SPIDR: variants seen among roughly 807,000 people sequenced by gnomAD.
The protein encoded by SPIDR is DNA repair-scaffolding protein.
Under a neutral mutation model 104.6 loss-of-function variants are expected in SPIDR, and 93 were observed. The observed-to-expected ratio is 0.89, with a 90% CI of 0.75 to 1.06. The LOEUF is 1.06. Among genes scored for constraint, SPIDR ranks in the 50% least tolerant of loss-of-function variants. SPIDR has a pLI of 0.00. For missense variants in SPIDR, 1,154 were observed against 1,111.2 expected (o/e 1.04, Z -0.55); for synonymous variants, 431 against 416.9 (o/e 1.03, Z -0.41).
chr8:47,335,756 A>G (rs1373449283), intron 5 of SPIDR, among the ~76,000 whole-genome samples: 1 of 152,154 alleles, frequency 6.6e-6, no homozygotes, highest in East Asian at 1.9e-4. Flanking sequence ...GGCCTCTCAC[A>G]ACAGTTTAAA....
rs149928658 is a variant in SPIDR at position 47,636,402 on chromosome 8, G to A, written c.1544+37206G>A. Among the ~76,000 whole-genome samples, 533 of 152,278 alleles carry A rather than the reference G, an allele frequency of 3.5e-3. 7 individuals carry two copies. The highest frequency in any genetic ancestry group is 0.012 in the African/African-American group (505 of 41,548). ...AAGTCAGTAAGCCTCCAGTGGCCTC[G>A]AAGTGTTCAGATGAAAGGAAGAGTT... On this transcript the variant is annotated intron_variant, in intron 10 of 19. Coordinates refer to ENST00000297423, the MANE Select transcript of SPIDR (RefSeq NM_001080394.4).
chr8:47,599,648 T>G (rs192931117), intron 10 of SPIDR, among the ~76,000 whole-genome samples: 83 of 152,316 alleles, frequency 5.4e-4, no homozygotes, highest in African/African-American at 1.8e-3. Flanking sequence ...AATACAACTT[T>G]CTGCAATGAT....
At chr8:47,601,141 AAAG>A (rs1280514607) in intron 10 of SPIDR, among the ~76,000 whole-genome samples, 6 of 152,224 alleles carry the variant, frequency 3.9e-5, no homozygotes, top group Non-Finnish European at 8.8e-5. Flanking sequence ...TGGTAGACTG[AAAG>A]AAGGCCAGGC....
At chr8:47,546,200 G>T (rs561488211) in intron 8 of SPIDR, among the ~76,000 whole-genome samples, 13 of 151,436 alleles carry the variant, frequency 8.6e-5, no homozygotes, top group Middle Eastern at 3.4e-3. Context: ...TTTCTTAAGT[G>T]TTTGGTAGAA....
chr8:47,397,570 A>G (rs1407520612), intron 6 of SPIDR, among the ~76,000 whole-genome samples: 1 of 152,196 alleles, frequency 6.6e-6, no homozygotes, highest in East Asian at 1.9e-4. Flanking sequence ...GTAATAGAGC[A>G]TTTCAAAGCA....
intron 5 of SPIDR, among the ~76,000 whole-genome samples, chr8:47,318,374 T>C (rs2045845748): frequency 6.6e-6 from 1 of 150,946 alleles, no homozygotes. Flanking sequence ...TGAAATGAAG[T>C]GAGAAGAGAA....
chr8:47,517,519 C>A (rs974127506), intron 8 of SPIDR, among the ~76,000 whole-genome samples: 3 of 152,068 alleles, frequency 2.0e-5, no homozygotes, highest in African/African-American at 7.2e-5. Context: ...GTGGGCTTCT[C>A]CCTCATTAGC....
At chr8:47,351,432 T>C (rs1563710805) in intron 5 of SPIDR, among the ~76,000 whole-genome samples, 2 of 152,126 alleles carry the variant, frequency 1.3e-5, no homozygotes, top group Non-Finnish European at 1.5e-5. Flanking sequence ...TTTACCACAT[T>C]TAAAGTAGAA....
intron 16 of SPIDR, among the ~76,000 whole-genome samples, chr8:47,717,737 C>T (rs1284288706): frequency 2.0e-5 from 3 of 152,172 alleles, no homozygotes; most frequent in Non-Finnish European, 4.4e-5. Context: ...TAAACTGAAC[C>T]TTCAAATGGG....
intron 11 of SPIDR, among the ~76,000 whole-genome samples, chr8:47,682,892 T>C (rs566149872): frequency 6.6e-6 from 1 of 152,326 alleles, no homozygotes; most frequent in African/African-American, 2.4e-5. Flanking sequence ...ATCCTTAAGA[T>C]AAGAAACCTG....
chr8:47,648,460 C>T (rs1322478745), intron 10 of SPIDR, among the ~76,000 whole-genome samples: 1 of 152,148 alleles, frequency 6.6e-6, no homozygotes, highest in Non-Finnish European at 1.5e-5. Flanking sequence ...GTAGTATAAA[C>T]TCGTACTTTT....
intron 8 of SPIDR, among the ~76,000 whole-genome samples, chr8:47,495,803 T>A (rs2154368883): frequency 6.6e-6 from 1 of 152,302 alleles, no homozygotes; most frequent in Non-Finnish European, 1.5e-5. Flanking sequence ...TTCTTCTTCT[T>A]CAATTTTCTT....
intron 7 of SPIDR, among the ~76,000 whole-genome samples, chr8:47,436,747 C>T (rs2154341757): frequency 6.6e-6 from 1 of 152,272 alleles, no homozygotes; most frequent in African/African-American, 2.4e-5. Context: ...TAAAAGCTTG[C>T]CTCAAGCACA....
At chr8:47,667,871 T>G (rs915204709) in intron 10 of SPIDR, 2 of 152,170 alleles carry the variant, frequency 1.3e-5, no homozygotes, top group Non-Finnish European at 2.9e-5. Context: ...AAGCATTACA[T>G]ATTTTTTAGT....
Position 47,396,595 on chromosome 8 carries a change from C to T in SPIDR, c.745C>T (p.Pro249Ser), listed in dbSNP as rs782193292. Residue 249 changes from proline to serine, a missense_variant, in exon 6 of 20, where the codon CCA becomes TCA. Pro to Ser is a moderately conservative substitution (Grantham distance 74). Transcript: ENST00000297423. ...QKPTAKFPRT[P>S]ENSAKKKLLR... The stretch of plus-strand genomic sequence containing the variant: ...ACCCACAGCTAAGTTTCCCAGGACT[C>T]CAGAAAATTCAGCAAAGAAGAAGCT... 6.2e-7 allele frequency: 1 copy of T among 1,613,308 alleles called. No homozygotes were observed. The highest frequency in any genetic ancestry group is 1.7e-5 in the Admixed American group (1 of 59,822).
chr8:47,718,055 T>C (rs887597972), intron 16 of SPIDR, among the ~76,000 whole-genome samples: 1 of 152,216 alleles, frequency 6.6e-6, no homozygotes. Flanking sequence ...GCCAGACACA[T>C]TGAAGGACTC....
chr8:47,478,811 A>G (rs2076559744), intron 8 of SPIDR, among the ~76,000 whole-genome samples: 1 of 152,208 alleles, frequency 6.6e-6, no homozygotes, highest in African/African-American at 2.4e-5. Flanking sequence ...TGAATGCTTT[A>G]CCTACAATTA....
At chr8:47,508,375 A>G (rs918957716) in intron 8 of SPIDR, among the ~76,000 whole-genome samples, 1 of 152,204 alleles carries the variant, frequency 6.6e-6, no homozygotes. Context: ...TTGACTTGAT[A>G]TACTGAGTTT....
chr8:47,405,897 C>A (rs1477712051), intron 6 of SPIDR, among the ~76,000 whole-genome samples: 2 of 152,154 alleles, frequency 1.3e-5, no homozygotes, highest in African/African-American at 4.8e-5. Flanking sequence ...CTGGAATTCC[C>A]TGCATAACAG....
Sources: allele counts gnomAD v4.1 joint callset (sites outside exome capture counted in the v4.1 genomes callset), GRCh38; gene constraint gnomAD v4.1.1; transcripts MANE v1.5; gene names NCBI Gene and HGNC (gene_info 2026-07-23, HGNC 2026-07-21).